NRDE2: variants seen among roughly 807,000 people sequenced by gnomAD.
The protein encoded by NRDE2 is nuclear exosome regulator NRDE2.
Under a neutral mutation model 124.2 loss-of-function variants are expected in NRDE2, and 76 were observed. The ratio of observed to expected loss-of-function variants is 0.61; its 90% confidence interval spans 0.51 to 0.74. NRDE2 has a LOEUF of 0.74. Ranked by LOEUF, NRDE2 falls within the 30% of genes least tolerant of loss-of-function variation. NRDE2 has a pLI of 0.00. For synonymous variants in NRDE2, 489 were observed against 528.1 expected (o/e 0.93, Z 1.01); for missense variants, 1,314 against 1,417.3 (o/e 0.93, Z 1.17).
intron 7 of NRDE2, among the ~76,000 whole-genome samples, chr14:90,299,105 G>A (rs1884292963): frequency 6.6e-6 from 1 of 152,028 alleles, no homozygotes; most frequent in African/African-American, 2.4e-5. Context: ...GAGTGCAGTG[G>A]TGTGATCTTG....
chr14:90,289,261 C>T (rs569414056), intron 10 of NRDE2, 116 bp from the exon 11 acceptor site: 63 of 819,826 alleles, frequency 7.7e-5, no homozygotes, highest in Middle Eastern at 2.6e-4. Flanking sequence ...CCCTTTATCA[C>T]GGGTCTGGTA....
chr14:90,328,038 G>C (rs1204509579), intron 1 of NRDE2, among the ~76,000 whole-genome samples: 1 of 152,108 alleles, frequency 6.6e-6, no homozygotes, highest in African/African-American at 2.4e-5. Context: ...AGCTACTCGG[G>C]AGGCTGAGGC....
intron 1 of NRDE2, 30 bp downstream of exon 1, chr14:90,331,811 G>C: frequency 1.2e-6 from 2 of 1,612,818 alleles, no homozygotes; most frequent in South Asian, 2.2e-5. Flanking sequence ...AGCCCCCCAG[G>C]TGCCTTCTTC....
intron 3 of NRDE2, among the ~76,000 whole-genome samples, chr14:90,312,880 T>C (rs972681197): frequency 1.3e-5 from 2 of 152,212 alleles, no homozygotes; most frequent in African/African-American, 4.8e-5. Context: ...ATTTCAAATA[T>C]ATTTATAAAC....
intron 4 of NRDE2, among the ~76,000 whole-genome samples, chr14:90,307,763 T>C (rs918958885): frequency 6.6e-6 from 1 of 152,126 alleles, no homozygotes; most frequent in African/African-American, 2.4e-5. Context: ...ACAGAAAAAT[T>C]TGTAGGGTTT....
intron 12 of NRDE2, chr14:90,279,550 T>G (rs1177452156): frequency 6.3e-6 from 1 of 159,174 alleles, no homozygotes. Context: ...GACACTTGCT[T>G]TAATACTTGC....
Position 90,309,472 on chromosome 14 carries a change from C to CAAA in NRDE2, c.557+2919_557+2921dup, listed in dbSNP as rs746289824. 6.0e-4 allele frequency among the ~76,000 whole-genome samples: 66 copies of CAAA among 110,700 alleles called. 4 individuals carry two copies. Among genetic ancestry groups the CAAA allele is most frequent in the Middle Eastern group, 4.7e-3 (1 of 212 alleles). The allele number at this position is 110,700 out of a possible 152,430, so 72.6% of individuals were successfully genotyped here. ...TGGGCGACAGAGCAAGACTCTGTCTCAAAAAAAAAAAAAAAAAAGAACCAA... is the reference window on the plus strand; with the variant it reads ...TGGGCGACAGAGCAAGACTCTGTCTCAAAAAAAAAAAAAAAAAAAAAGAACCAA... On this transcript the variant is annotated intron_variant, in intron 4 of 13. Coordinates refer to ENST00000354366, the MANE Select transcript of NRDE2 (RefSeq NM_017970.4).
intron 12 of NRDE2, 114 bp downstream of exon 12, chr14:90,286,240 T>C (rs904213674): frequency 1.8e-4 from 216 of 1,182,622 alleles, no homozygotes; most frequent in Middle Eastern, 1.0e-3. Flanking sequence ...GAGTGAAATA[T>C]GGCCTCCCAG....
At chr14:90,325,388 G>C (rs2139716818) in intron 1 of NRDE2, among the ~76,000 whole-genome samples, 1 of 142,080 alleles carries the variant, frequency 7.0e-6, no homozygotes, top group Middle Eastern at 3.4e-3. Flanking sequence ...AGAACTGAAG[G>C]GGTCAGATGC....
rs1884399232 is a variant in NRDE2 at position 90,301,431 on chromosome 14, C to G, written c.1412-59G>C. On this transcript the variant is annotated intron_variant, in intron 6 of 13. Transcript: ENST00000354366. ...GTTGATACCGTTAAAGGGAAAGAAC[C>G]TAACTTCTCAAAACAGGCAATTAAC... is the stretch of plus-strand genomic sequence containing the variant. 8 of 1,559,104 alleles carry G rather than the reference C, an allele frequency of 5.1e-6. No homozygotes were observed. The East Asian group carries it at 9.1e-5, about 18-fold the overall frequency.
At chr14:90,296,144 C>T (rs1032485850) in intron 8 of NRDE2, among the ~76,000 whole-genome samples, 3 of 152,144 alleles carry the variant, frequency 2.0e-5, no homozygotes, top group Non-Finnish European at 1.5e-5. Flanking sequence ...GTAATGGGCT[C>T]GCTCTCTAAC....
chr14:90,303,899 C>T (rs754086512), intron 5 of NRDE2, 36 bp downstream of exon 5: 14 of 1,546,278 alleles, frequency 9.1e-6, no homozygotes. Context: ...CAGGAATGTC[C>T]TTCTAAGGTA....
chr14:90,313,604 C>T (rs956827941), intron 3 of NRDE2, among the ~76,000 whole-genome samples: 1 of 152,096 alleles, frequency 6.6e-6, no homozygotes, highest in African/African-American at 2.4e-5. Context: ...ACTCCCGGGG[C>T]GTTAAGTGAG....
Position 90,308,104 on chromosome 14 carries a change from A to C in NRDE2, c.558-3722T>G, listed in dbSNP as rs182419918. ...TCTGCCATATAGTAAGGGTTAGATA[A>C]GTTTAAATTATTATTTTTATCAAAG... On this transcript the variant is annotated intron_variant, in intron 4 of 13. Coordinates refer to ENST00000354366, the MANE Select transcript of NRDE2 (RefSeq NM_017970.4). Among the ~76,000 whole-genome samples the C allele has an allele frequency of 5.4e-4, 82 of 152,302 alleles. 2 individuals carry two copies. The East Asian group carries it at 0.011, about 20-fold the overall frequency.
Position 90,288,790 on chromosome 14 carries a change from T to C in NRDE2, c.2585A>G (p.Tyr862Cys). 6.2e-7 allele frequency: 1 copy of C among 1,614,162 alleles called. No homozygotes were observed. Among genetic ancestry groups the C allele is most frequent in the Non-Finnish European group, 8.5e-7 (1 of 1,180,042 alleles). ...KLTESSPYGP[Y>C]TGQVLAVHIL... is the part of the protein sequence containing the mutation. ...GTGAACAGCCAACACCTGTCCAGTG[T>C]AGGGCCCATAGGGGCTGCTCTCAGT... Residue 862 changes from tyrosine (Y) to cysteine (C), a missense_variant, in exon 11 of 14, where the codon TAC becomes TGC. Tyr to Cys is a radical substitution (Grantham distance 194). Transcript: ENST00000354366.
chr14:90,311,258 T>A (rs1884826876), intron 4 of NRDE2, among the ~76,000 whole-genome samples: 1 of 152,244 alleles, frequency 6.6e-6, no homozygotes, highest in Non-Finnish European at 1.5e-5. Flanking sequence ...GACTGTGTGT[T>A]ATTGTTCTTT....
intron 1 of NRDE2, among the ~76,000 whole-genome samples, chr14:90,320,362 A>T (rs892556349): frequency 1.2e-4 from 18 of 152,338 alleles, no homozygotes; most frequent in African/African-American, 3.8e-4. Flanking sequence ...AAGGGGGAAG[A>T]GCCCCTTATA....
intron 4 of NRDE2, among the ~76,000 whole-genome samples, chr14:90,308,107 T>G (rs1408409168): frequency 1.3e-5 from 2 of 152,204 alleles, no homozygotes; most frequent in African/African-American, 4.8e-5. Flanking sequence ...TTAGATAAGT[T>G]TAAATTATTA....
chr14:90,273,077 C>T lies in NRDE2; in HGVS notation c.*5259G>A, dbSNP rs1356980193. ...GAAACATGTCAGAACTTCCCCTTCC[C>T]TTTCTCCGTCTATTTCCGTCATTTC... On this transcript the variant is annotated 3_prime_UTR_variant, in exon 14 of 14. Transcript: ENST00000354366. The T allele has an allele frequency of 6.6e-6, 1 of 152,186 alleles. No homozygotes were observed. Among genetic ancestry groups the T allele is most frequent in the Non-Finnish European group, 1.5e-5 (1 of 68,066 alleles). The allele number at this position is 152,186 out of a possible 1,614,324, so 9.4% of individuals were successfully genotyped here. A position where few individuals can be genotyped will look rare whatever the true frequency, so the allele number is the denominator to read the frequency against.
Sources: gnomAD v4.1 joint callset for allele counts (sites outside exome capture counted in the v4.1 genomes callset) on GRCh38, gnomAD v4.1.1 for gene constraint, MANE v1.5 for transcripts, NCBI Gene and HGNC (gene_info 2026-07-23, HGNC 2026-07-21) for gene names.